ZMAT4: variants seen among roughly 807,000 people sequenced by gnomAD.
ZMAT4 encodes the protein zinc finger matrin-type protein 4.
Under a neutral mutation model 28.7 loss-of-function variants are expected in ZMAT4, and 17 were observed. The ratio of observed to expected loss-of-function variants is 0.59; its 90% CI spans 0.41 to 0.89. ZMAT4 has a LOEUF of 0.89. Among genes scored for constraint, ZMAT4 ranks in the 40% least tolerant of loss-of-function variants. The probability of loss-of-function intolerance (pLI) is 0.00; values close to 1 mark genes in which losing one functional copy is unlikely to be tolerated. For missense variants in ZMAT4, 240 were observed against 283.8 expected (o/e 0.85, Z 1.11); for synonymous variants, 117 against 109.2 (o/e 1.07, Z -0.44).
chr8:40,774,081 T>C (rs1239510445), intron 2 of ZMAT4, among the ~76,000 whole-genome samples: 1 of 152,040 alleles, frequency 6.6e-6, no homozygotes, highest in Admixed American at 6.6e-5. Flanking sequence ...TGGCTACAAA[T>C]TTGAAATACG....
At chr8:40,780,308 G>T (rs988080088) in intron 2 of ZMAT4, among the ~76,000 whole-genome samples, 3 of 152,166 alleles carry the variant, frequency 2.0e-5, no homozygotes, top group Admixed American at 2.0e-4. Context: ...CACAAAGCCT[G>T]TTTTATAATA....
intron 5 of ZMAT4, among the ~76,000 whole-genome samples, chr8:40,656,855 C>CT (rs774329945): frequency 7.9e-5 from 12 of 151,844 alleles, no homozygotes; most frequent in Non-Finnish European, 1.6e-4. Flanking sequence ...GAGATAAAAC[C>CT]TAGACTAGTG....
At chr8:40,681,882 A>C (rs942736608) in intron 4 of ZMAT4, among the ~76,000 whole-genome samples, 1 of 146,252 alleles carries the variant, frequency 6.8e-6, no homozygotes, top group Admixed American at 6.7e-5. Flanking sequence ...ATGCAGAAAT[A>C]AAAAAAAAAG....
At chr8:40,560,791 T>A in intron 6 of ZMAT4, among the ~76,000 whole-genome samples, 1 of 152,286 alleles carries the variant, frequency 6.6e-6, no homozygotes, top group South Asian at 2.1e-4. Flanking sequence ...CTGTCACTCA[T>A]CAGAGCTTGC....
chr8:40,532,747 C>T (rs772017600), intron 6 of ZMAT4, among the ~76,000 whole-genome samples: 8 of 151,960 alleles, frequency 5.3e-5, no homozygotes, highest in African/African-American at 9.7e-5. Context: ...CCTGTAATCC[C>T]AACACTTTGG....
chr8:40,794,767 C>T (rs1364253988), intron 2 of ZMAT4, among the ~76,000 whole-genome samples: 1 of 152,098 alleles, frequency 6.6e-6, no homozygotes, highest in African/African-American at 2.4e-5. Context: ...CAGTTTTCTC[C>T]TCTCTGGGTC....
intron 3 of ZMAT4, among the ~76,000 whole-genome samples, chr8:40,757,585 CAAAA>C (rs1198724259): frequency 9.7e-6 from 1 of 103,384 alleles, no homozygotes. Flanking sequence ...GACCCCATCT[CAAAA>C]AAAAAAAAAG....
chr8:40,643,649 C>G (rs2599658), intron 5 of ZMAT4, among the ~76,000 whole-genome samples: 2 of 151,698 alleles, frequency 1.3e-5, no homozygotes, highest in Non-Finnish European at 1.5e-5. Flanking sequence ...TTGTACAGAG[C>G]CCGGTGGAGA....
intron 3 of ZMAT4, among the ~76,000 whole-genome samples, chr8:40,702,825 C>T (rs1810202787): frequency 6.6e-6 from 1 of 152,066 alleles, no homozygotes; most frequent in Non-Finnish European, 1.5e-5. Context: ...CTACTTACAT[C>T]CAGAAGGAGA....
chr8:40,869,516 A>G (rs909914570), intron 1 of ZMAT4, among the ~76,000 whole-genome samples: 15 of 152,360 alleles, frequency 9.8e-5, no homozygotes, highest in Admixed American at 6.5e-4. Context: ...CAACTGCATT[A>G]TCTAGAAAAG....
At position 40,881,443 on chromosome 8, in the gene ZMAT4, GAA is replaced by G. The variant is rs1262361220; in HGVS notation, c.-5+16238_-5+16239del. ...GAAAAAGAAGAAAGAGAGAAAGAAAGAAAGAAAGAAAGAAAGAAAGAAAGAAA... is the reference window on the plus strand; with the variant it reads ...GAAAAAGAAGAAAGAGAGAAAGAAAGAGAAAGAAAGAAAGAAAGAAAGAAA... On this transcript the variant is annotated intron_variant, in intron 1 of 6. Transcript: ENST00000297737. Among the ~76,000 whole-genome samples, 178 of 101,742 alleles carry G rather than the reference GAA, an allele frequency of 1.7e-3. 3 individuals are homozygous for G. Among genetic ancestry groups the G allele is most frequent in the African/African-American group, 7.0e-3 (170 of 24,134 alleles). The allele number at this position is 101,742 out of a possible 152,430, so 66.7% of individuals were successfully genotyped here.
At chr8:40,853,430 C>A (rs1395116345) in intron 1 of ZMAT4, among the ~76,000 whole-genome samples, 1 of 152,038 alleles carries the variant, frequency 6.6e-6, no homozygotes, top group Non-Finnish European at 1.5e-5. Context: ...GTGGCAGGCA[C>A]CTGTAATACC....
At chr8:40,865,863 C>T (rs530879737) in intron 1 of ZMAT4, among the ~76,000 whole-genome samples, 58 of 152,252 alleles carry the variant, frequency 3.8e-4, no homozygotes, top group Middle Eastern at 3.4e-3. Flanking sequence ...TCTGATCGTC[C>T]CAACCAATTT....
At chr8:40,707,151 C>T (rs554473621) in intron 3 of ZMAT4, among the ~76,000 whole-genome samples, 3 of 152,088 alleles carry the variant, frequency 2.0e-5, no homozygotes, top group Non-Finnish European at 2.9e-5. Context: ...TAGGCTTCCC[C>T]GGGACATCCC....
chr8:40,820,700 T>C (rs1264903558), intron 2 of ZMAT4, among the ~76,000 whole-genome samples: 1 of 4,328 alleles, frequency 2.3e-4, no homozygotes, highest in African/African-American at 9.9e-4. Context: ...TATGTATATG[T>C]TTATGTGTGT....
At chr8:40,743,605 A>G (rs1812101312) in intron 3 of ZMAT4, among the ~76,000 whole-genome samples, 1 of 152,234 alleles carries the variant, frequency 6.6e-6, no homozygotes, top group South Asian at 2.1e-4. Flanking sequence ...ACCACAGCGG[A>G]CTAATAGAAT....
chr8:40,647,761 C>T (rs1481602282), intron 5 of ZMAT4, among the ~76,000 whole-genome samples: 4 of 152,170 alleles, frequency 2.6e-5, no homozygotes, highest in Admixed American at 6.5e-5. Flanking sequence ...CAAGTGGGAC[C>T]CTGACCCCTG....
chr8:40,809,086 A>T (rs559510992), intron 2 of ZMAT4, among the ~76,000 whole-genome samples: 37 of 152,320 alleles, frequency 2.4e-4, no homozygotes, highest in South Asian at 1.0e-3. Context: ...GGTGCATTGG[A>T]TAAAGGAAGT....
chr8:40,634,788 G>A (rs73677441), intron 5 of ZMAT4, among the ~76,000 whole-genome samples: 2,210 of 152,134 alleles, frequency 0.015, 54 homozygotes, highest in African/African-American at 0.051. Flanking sequence ...CATACAACTC[G>A]CTTGTGTATA....
Sources: gnomAD v4.1 joint callset for allele counts (sites outside exome capture counted in the v4.1 genomes callset) on GRCh38, gnomAD v4.1.1 for gene constraint, MANE v1.5 for transcripts, NCBI Gene and HGNC (gene_info 2026-07-23, HGNC 2026-07-21) for gene names.